ALDH1L2: variants seen among roughly 807,000 people sequenced by gnomAD.
ALDH1L2 encodes mitochondrial 10-formyltetrahydrofolate dehydrogenase.
A neutral mutation model predicts 111.0 loss-of-function variants in ALDH1L2; 91 were observed. The observed-to-expected ratio is 0.82, with a 90% CI of 0.69 to 0.98. The LOEUF (loss-of-function observed/expected upper bound fraction) is 0.98. Among genes scored for constraint, ALDH1L2 ranks in the 50% least tolerant of loss-of-function variants. The probability of loss-of-function intolerance (pLI) is 0.00; values close to 1 mark genes in which losing one functional copy is unlikely to be tolerated. For synonymous variants in ALDH1L2, 374 were observed against 392.6 expected, an observed-to-expected ratio of 0.95 and a Z score of 0.56; for missense variants, 995 against 1,126.8, an observed-to-expected ratio of 0.88 and a Z score of 1.67.
At chr12:105,065,204 TA>T (rs1877272147) in intron 6 of ALDH1L2, 62 bp downstream of exon 6, 1 of 957,162 alleles carries the variant, frequency 1.0e-6, no homozygotes, top group African/African-American at 1.9e-5. Context: ...GATTTATCTG[TA>T]ATATCTCTTA....
At chr12:105,046,591 T>G in intron 15 of ALDH1L2, 119 bp downstream of exon 15, 1 of 821,012 alleles carries the variant, frequency 1.2e-6, no homozygotes, top group East Asian at 2.7e-5. Context: ...GTCCATGATA[T>G]ATGAGAAAAA....
intron 5 of ALDH1L2, among the ~76,000 whole-genome samples, chr12:105,065,796 C>T (rs1442383266): frequency 6.6e-6 from 1 of 151,804 alleles, no homozygotes; most frequent in African/African-American, 2.4e-5. Context: ...TTATGGGACC[C>T]TCCATATTAT....
At chr12:105,084,214 T>C (rs1878475069) in intron 1 of ALDH1L2, among the ~76,000 whole-genome samples, 175 bp downstream of exon 1, 1 of 152,164 alleles carries the variant, frequency 6.6e-6, no homozygotes, top group Non-Finnish European at 1.5e-5. Flanking sequence ...CAAGCCCTCC[T>C]CTGAGGTCTC....
At position 105,038,216 on chromosome 12, in the gene ALDH1L2, A is replaced by C; in HGVS notation, c.2046-14T>G. ...CTAACAGCACAGCTAGAGGAAAACA[A>C]ATGAGAAATGAGCATTTAGTTAACA... On this transcript the variant is annotated splice_polypyrimidine_tract_variant and intron_variant, in intron 17 of 22. Transcript: ENST00000258494. 6.3e-7 allele frequency: 1 copy of C among 1,588,264 alleles called. No individual in the cohort carries two copies. Among genetic ancestry groups the C allele is most frequent in the Non-Finnish European group, 8.6e-7 (1 of 1,158,944 alleles).
chr12:105,046,978 T>G lies in ALDH1L2; in HGVS notation c.1687-9A>C, dbSNP rs754011786. 1 of 1,612,406 alleles carries G rather than the reference T, an allele frequency of 6.2e-7. No individual in the cohort carries two copies. The highest frequency in any genetic ancestry group is 1.1e-5 in the South Asian group (1 of 91,016). On this transcript the variant is annotated splice_polypyrimidine_tract_variant and intron_variant, in intron 13 of 22. Transcript: ENST00000258494. ...ATTGGAATAGTAGAACCCTAAAGAA[T>G]GAGAAAAGTTGATACTTATTTTACT...
chr12:105,032,514 C>T (rs1874765885), intron 19 of ALDH1L2, among the ~76,000 whole-genome samples: 1 of 152,198 alleles, frequency 6.6e-6, no homozygotes, highest in Admixed American at 6.5e-5. Flanking sequence ...GCTGGGATTA[C>T]AGGCGTGAGC....
intron 19 of ALDH1L2, among the ~76,000 whole-genome samples, chr12:105,032,500 A>G (rs949563879): frequency 2.0e-5 from 3 of 151,870 alleles, no homozygotes; most frequent in Non-Finnish European, 4.4e-5. Flanking sequence ...CAGCCTCCCA[A>G]AGTGCTGGGA....
intron 15 of ALDH1L2, among the ~76,000 whole-genome samples, chr12:105,044,320 A>G (rs1035485515): frequency 3.3e-5 from 5 of 152,096 alleles, no homozygotes; most frequent in African/African-American, 1.2e-4. Context: ...GTGGTTCTCT[A>G]TCCTGGCTGT....
intron 14 of ALDH1L2, 33 bp downstream of exon 14, chr12:105,046,866 A>G: frequency 6.2e-7 from 1 of 1,613,546 alleles, no homozygotes; most frequent in South Asian, 1.1e-5. Flanking sequence ...AACACAACTC[A>G]TGATTCACTC....
At position 105,058,107 on chromosome 12, in the gene ALDH1L2, C is replaced by T. The variant is rs1876752386; in HGVS notation, c.1253G>A (p.Gly418Glu). The T allele has an allele frequency of 1.2e-6, 2 of 1,613,262 alleles. No homozygotes were observed. The highest frequency in any genetic ancestry group is 2.2e-5 in the South Asian group (2 of 90,842). Residue 418 changes from glycine (G) to glutamate (E), a missense_variant, in exon 10 of 23, where the codon GGA (glycine) becomes GAA (glutamate). By Grantham distance (98) the Gly-to-Glu change is moderately conservative (BLOSUM62 -2). Coordinates refer to ENST00000258494, the MANE Select transcript of ALDH1L2 (RefSeq NM_001034173.4). ...FIQKVVRKLR[G>E]EDQEVELVVD... ...AACCAGCTCCACCTCTTGATCTTCTCCTCTCAGTTTCCTCACGACCTTTTG... is the reference window on the plus strand; with the variant it reads ...AACCAGCTCCACCTCTTGATCTTCTTCTCTCAGTTTCCTCACGACCTTTTG...
intron 15 of ALDH1L2, 146 bp from the exon 16 acceptor site, chr12:105,040,840 CA>C: frequency 3.1e-6 from 2 of 644,282 alleles, no homozygotes; most frequent in East Asian, 2.6e-5. Context: ...TTCAGACTTA[CA>C]AAAAGATGCA....
intron 1 of ALDH1L2, among the ~76,000 whole-genome samples, chr12:105,079,733 CGAAAA>C (rs60932857): frequency 0.49 from 74,588 of 151,384 alleles, 19,607 homozygotes; most frequent in Middle Eastern, 0.65. Flanking sequence ...AAGCTCCTTA[CGAAAA>C]GAAAAGATCA....
In ALDH1L2 at chr12:105,071,629, TA is replaced by T. The variant is rs1565972400; in HGVS notation, c.194-826del. On this transcript the variant is annotated intron_variant, in intron 2 of 22. Coordinates refer to ENST00000258494, the MANE Select transcript of ALDH1L2 (RefSeq NM_001034173.4). Reference sequence around the variant, plus strand: ...TATATAAGTAGTATATATATATATATATATATATATATATTTTTTTTTTTTT... The same window carrying T: ...TATATAAGTAGTATATATATATATATTATATATATATATTTTTTTTTTTTT... 6.7e-3 allele frequency among the ~76,000 whole-genome samples: 145 copies of T among 21,610 alleles called. 1 individual carries two copies. The highest frequency in any genetic ancestry group is 9.6e-3 in the Non-Finnish European group (120 of 12,528). The allele number at this position is 21,610 out of a possible 152,430, so 14.2% of individuals were successfully genotyped here.
rs187680075 is a variant in ALDH1L2 at position 105,047,286 on chromosome 12, G to A, written c.1687-317C>T. On this transcript the variant is annotated intron_variant, in intron 13 of 22. Transcript: ENST00000258494. ...ACAGAATCCCTATATTAATAATGGG[G>A]ACAGGAATATGCCCAGATCAAATAC... is the stretch of plus-strand genomic sequence containing the variant. 1.2e-4 allele frequency among the ~76,000 whole-genome samples: 19 copies of A among 152,264 alleles called. 1 individual carries two copies. In the East Asian group the frequency reaches 3.3e-3, roughly 26 times the overall value.
chr12:105,046,663 G>A (rs1437032892), intron 15 of ALDH1L2, 47 bp downstream of exon 15: 7 of 1,521,146 alleles, frequency 4.6e-6, no homozygotes, highest in Non-Finnish European at 6.4e-6. Flanking sequence ...TGAAGTACTG[G>A]ATATAAGAGA....
rs1264125717 is a variant in ALDH1L2, at chr12:105,024,331, T to C, written c.*93A>G. 18 of 1,490,234 alleles carry C rather than the reference T, an allele frequency of 1.2e-5. No individual in the cohort carries two copies. Among genetic ancestry groups the C allele is most frequent in the Non-Finnish European group, 1.6e-5 (17 of 1,073,932 alleles). 92.3% of individuals were successfully genotyped at this position (1,490,234 alleles called of 1,614,324 possible). A position where few individuals can be genotyped will look rare whatever the true frequency, so the allele number is the denominator to read the frequency against. ...ATCTGTGTATTTTTTGGTTTGTGGC[T>C]GACACCTCCTGCCTCAACACACCCA... is the stretch of plus-strand genomic sequence containing the variant. On this transcript the variant is annotated 3_prime_UTR_variant, in exon 23 of 23. Coordinates refer to ENST00000258494, the MANE Select transcript of ALDH1L2 (RefSeq NM_001034173.4).
At position 105,046,964 on chromosome 12, in the gene ALDH1L2, A is replaced by T. The variant is rs1875961908; in HGVS notation, c.1692T>A (p.Ser564=). 6.2e-7 allele frequency: 1 copy of T among 1,613,992 alleles called. No homozygotes were observed. Among genetic ancestry groups the T allele is most frequent in the African/African-American group, 1.3e-5 (1 of 75,058 alleles). The part of the protein sequence containing the change: ...FAGWCDKIQG[S]TIPINQARPN... ...GACGGGCCTGGTTGATTGGAATAGT[A>T]GAACCCTAAAGAATGAGAAAAGTTG... Residue 564 remains serine (S), a synonymous_variant, in exon 14 of 23, where the codon TCT becomes TCA. Coordinates refer to ENST00000258494, the MANE Select transcript of ALDH1L2 (RefSeq NM_001034173.4).
intron 5 of ALDH1L2, 122 bp downstream of exon 5, chr12:105,066,446 T>C (rs1877357990): frequency 1.2e-6 from 1 of 805,090 alleles, no homozygotes; most frequent in Non-Finnish European, 2.0e-6. Context: ...ACCTGTCTAC[T>C]CTAACAGGTA....
At chr12:105,071,635 TATATA>T (rs1565972522) in intron 2 of ALDH1L2, among the ~76,000 whole-genome samples, 20 of 16,922 alleles carry the variant, frequency 1.2e-3, no homozygotes, top group African/African-American at 2.8e-3. Flanking sequence ...TATATATATA[TATATA>T]TATTTTTTTT....
Sources: allele counts gnomAD v4.1 joint callset (sites outside exome capture counted in the v4.1 genomes callset), GRCh38; gene constraint gnomAD v4.1.1; transcripts MANE v1.5; gene names NCBI Gene and HGNC (gene_info 2026-07-23, HGNC 2026-07-21).